The following SLC7A7 variants were observed in gnomAD, a reference collection of about 807,000 sequenced individuals.
SLC7A7 encodes the protein solute carrier family 7 member 7.
In SLC7A7, 39 loss-of-function variants were observed where a neutral mutation model predicts 47.9. That is an observed-to-expected ratio of 0.81 (90% CI 0.63 to 1.06). SLC7A7 has a LOEUF of 1.06. Among genes scored for constraint, SLC7A7 ranks in the 50% least tolerant of loss-of-function variants. The pLI is 0.00. For synonymous variants in SLC7A7, 234 were observed against 242.8 expected (o/e 0.96, Z 0.34); for missense variants, 588 against 632.0 (o/e 0.93, Z 0.75).
At chr14:22,789,797 A>G (rs1487958830) in intron 2 of SLC7A7, among the ~76,000 whole-genome samples, 1 of 152,154 alleles carries the variant, frequency 6.6e-6, no homozygotes, top group Non-Finnish European at 1.5e-5. Flanking sequence ...GTACAATATG[A>G]GAAAGACTCT....
At chr14:22,779,466 TGGG>T (rs35748274) in intron 3 of SLC7A7, among the ~76,000 whole-genome samples, 2 of 127,174 alleles carry the variant, frequency 1.6e-5, no homozygotes, top group African/African-American at 5.2e-5. Context: ...TTTTTTTTTT[TGGG>T]GGGGGGACAG....
intron 2 of SLC7A7, among the ~76,000 whole-genome samples, chr14:22,800,350 C>G (rs2039090938): frequency 6.6e-6 from 1 of 152,186 alleles, no homozygotes; most frequent in Non-Finnish European, 1.5e-5. Context: ...TCCTTTCTTA[C>G]AATGTGACTT....
intron 2 of SLC7A7, among the ~76,000 whole-genome samples, chr14:22,800,984 G>A (rs2039103200): frequency 6.6e-6 from 1 of 152,018 alleles, no homozygotes; most frequent in African/African-American, 2.4e-5. Context: ...AACTTCCTCA[G>A]CAACCGTTTT....
chr14:22,802,441 A>AG (rs2039132922), intron 2 of SLC7A7, among the ~76,000 whole-genome samples: 2 of 151,458 alleles, frequency 1.3e-5, no homozygotes, highest in Non-Finnish European at 3.0e-5. Context: ...CAAACAAAAA[A>AG]AATATTTATC....
At chr14:22,812,652 A>G (rs2138660404) in intron 2 of SLC7A7, among the ~76,000 whole-genome samples, 1 of 151,624 alleles carries the variant, frequency 6.6e-6, no homozygotes, top group East Asian at 1.9e-4. Flanking sequence ...AAAAAAAAAA[A>G]AAAAATCAGG....
At chr14:22,794,881 C>T (rs2139425644) in intron 2 of SLC7A7, among the ~76,000 whole-genome samples, 1 of 152,210 alleles carries the variant, frequency 6.6e-6, no homozygotes, top group South Asian at 2.1e-4. Context: ...CCAGGTGACT[C>T]TGAAGCATGG....
chr14:22,782,208 T>C (rs961496223), intron 2 of SLC7A7, among the ~76,000 whole-genome samples: 1 of 152,096 alleles, frequency 6.6e-6, no homozygotes, highest in Non-Finnish European at 1.5e-5. Context: ...GTTCAAGCCA[T>C]TCTCCTGCCT....
At chr14:22,812,788 T>C in intron 2 of SLC7A7, 112 bp downstream of exon 2, 1 of 751,254 alleles carries the variant, frequency 1.3e-6, no homozygotes, top group South Asian at 2.0e-5. Context: ...TATATATATA[T>C]ATATGTTGTC....
chr14:22,775,562 A>C, intron 6 of SLC7A7, 22 bp from the exon 7 acceptor site: 1 of 1,604,788 alleles, frequency 6.2e-7, no homozygotes, highest in Non-Finnish European at 8.5e-7. Flanking sequence ...AAGATAGGAG[A>C]AGCTGAGAAA....
At chr14:22,784,348 A>ACG (rs2038774367) in intron 2 of SLC7A7, among the ~76,000 whole-genome samples, 2 of 152,012 alleles carry the variant, frequency 1.3e-5, no homozygotes, top group South Asian at 2.1e-4. Flanking sequence ...GGCCGGGTGC[A>ACG]GTGGCTCACG....
At chr14:22,786,509 C>T (rs1189164891) in intron 2 of SLC7A7, among the ~76,000 whole-genome samples, 1 of 152,190 alleles carries the variant, frequency 6.6e-6, no homozygotes, top group Non-Finnish European at 1.5e-5. Context: ...AAATGCAAGA[C>T]CCCACACAGA....
rs946362615 is a variant in SLC7A7 at position 22,773,582 on chromosome 14, C to T, written c.*28G>A. 3.2e-6 allele frequency: 5 copies of T among 1,586,322 alleles called. No homozygotes were observed. Among genetic ancestry groups the T allele is most frequent in the Non-Finnish European group, 4.3e-6 (5 of 1,154,582 alleles). ...CTAGCCAGTAGACCAGAAACCCCTG[C>T]TTTCCACATCAGGATTCCAGATGGT... On this transcript the variant is annotated 3_prime_UTR_variant, in exon 10 of 10. Coordinates refer to ENST00000674313, the MANE Select transcript of SLC7A7 (RefSeq NM_003982.4).
upstream of SLC7A7, among the ~76,000 whole-genome samples, chr14:22,818,785 G>T (rs1283810166): frequency 1.3e-5 from 2 of 151,794 alleles, no homozygotes; most frequent in Non-Finnish European, 2.9e-5. Context: ...GTAGAGATGG[G>T]GTTTCACCAT....
chr14:22,811,423 C>T (rs1740120445), intron 2 of SLC7A7, among the ~76,000 whole-genome samples: 2 of 152,156 alleles, frequency 1.3e-5, no homozygotes, highest in African/African-American at 4.8e-5. Context: ...ATAGTGGCAT[C>T]TGAGGGATGG....
At chr14:22,807,345 C>T (rs1237150656) in intron 2 of SLC7A7, among the ~76,000 whole-genome samples, 1 of 152,132 alleles carries the variant, frequency 6.6e-6, no homozygotes, top group Admixed American at 6.6e-5. Flanking sequence ...AAACATTCTC[C>T]ATGTGGCCAC....
intron 3 of SLC7A7, 45 bp from the exon 4 acceptor site, chr14:22,778,982 C>T (rs757605711): frequency 6.2e-7 from 1 of 1,611,046 alleles, no homozygotes; most frequent in Non-Finnish European, 8.5e-7. Flanking sequence ...GTGGCTCATT[C>T]TCCCACTTCA....
chr14:22,788,007 C>T (rs8014410), intron 2 of SLC7A7, among the ~76,000 whole-genome samples: 16 of 148,904 alleles, frequency 1.1e-4, no homozygotes, highest in Non-Finnish European at 2.0e-4. Context: ...CGGGAGGCGG[C>T]GGTTGCAGTG....
intron 2 of SLC7A7, among the ~76,000 whole-genome samples, chr14:22,788,519 A>G (rs1337406030): frequency 6.6e-6 from 1 of 151,034 alleles, no homozygotes; most frequent in Non-Finnish European, 1.5e-5. Flanking sequence ...CCTGGCCAAC[A>G]TGGTGAAACC....
In SLC7A7 at chr14:22,793,155, A is replaced by G. The variant is rs1044105429; in HGVS notation, c.500-13104T>C. Among the ~76,000 whole-genome samples the G allele has an allele frequency of 2.0e-5, 3 of 151,802 alleles. 1 individual carries two copies. The highest frequency in any genetic ancestry group is 7.2e-5 in the African/African-American group (3 of 41,470). On this transcript the variant is annotated intron_variant, in intron 2 of 9. Coordinates refer to ENST00000674313, the MANE Select transcript of SLC7A7 (RefSeq NM_003982.4). Reference sequence around the variant, plus strand: ...GATGGTCTCGATCTCCTGACCTCGTAATCCGCCCGCCTCGGCTTCCCAAAG... The same window carrying G: ...GATGGTCTCGATCTCCTGACCTCGTGATCCGCCCGCCTCGGCTTCCCAAAG...
Sources: allele counts gnomAD v4.1 joint callset (sites outside exome capture counted in the v4.1 genomes callset), GRCh38; gene constraint gnomAD v4.1.1; transcripts MANE v1.5; gene names NCBI Gene and HGNC (gene_info 2026-07-23, HGNC 2026-07-21).